The following SCFD1 variants were observed in gnomAD, a reference collection of about 807,000 sequenced individuals.
The protein encoded by SCFD1 is sec1 family domain-containing protein 1.
A neutral mutation model predicts 103.2 loss-of-function variants in SCFD1; 37 were observed. That is an observed-to-expected ratio of 0.36 (90% CI 0.28 to 0.47). The LOEUF is 0.47. Ranked by LOEUF, SCFD1 falls within the 20% of genes least tolerant of loss-of-function variation. SCFD1 has a pLI of 1.00. For synonymous variants in SCFD1, 264 were observed against 245.0 expected, an observed-to-expected ratio of 1.08 and a Z score of -0.73; for missense variants, 639 against 761.2, an observed-to-expected ratio of 0.84 and a Z score of 1.89.
chr14:30,634,129 A>G (rs962784580), intron 4 of SCFD1, 92 bp downstream of exon 4: 2 of 670,746 alleles, frequency 3.0e-6, no homozygotes, highest in Non-Finnish European at 5.2e-6. Context: ...GAAAAATCAG[A>G]AATTCCTATG....
In SCFD1 at chr14:30,656,354, G is replaced by A. The variant is rs953553325; in HGVS notation, c.855+2766G>A. ...AGTTAATGATGCAGGAGATAAGAGC[G>A]TCCTGCAGGTGGCATTAGTGAGCAC... On this transcript the variant is annotated intron_variant, in intron 10 of 24. Coordinates refer to ENST00000458591, the MANE Select transcript of SCFD1 (RefSeq NM_016106.4). 4.6e-5 allele frequency among the ~76,000 whole-genome samples: 7 copies of A among 152,258 alleles called. No homozygotes were observed. In the South Asian group the frequency reaches 6.2e-4, roughly 14 times the overall value.
At chr14:30,729,274 C>A (rs968480550) in intron 23 of SCFD1, among the ~76,000 whole-genome samples, 1 of 151,460 alleles carries the variant, frequency 6.6e-6, no homozygotes, top group African/African-American at 2.4e-5. Flanking sequence ...CTCTTTTTTT[C>A]TTTTGTTGCC....
At chr14:30,711,490 T>G (rs1891867664) in intron 19 of SCFD1, among the ~76,000 whole-genome samples, 1 of 152,080 alleles carries the variant, frequency 6.6e-6, no homozygotes, top group South Asian at 2.1e-4. Flanking sequence ...GGCACATGCT[T>G]GGGAGGCTGA....
At chr14:30,677,995 A>G (rs868266657) in intron 14 of SCFD1, among the ~76,000 whole-genome samples, 16 of 151,898 alleles carry the variant, frequency 1.1e-4, no homozygotes, top group Middle Eastern at 3.4e-3. Context: ...ACGGACCACC[A>G]TGCCCAGCTA....
chr14:30,627,748 A>G (rs947625754), intron 1 of SCFD1, among the ~76,000 whole-genome samples: 4 of 148,380 alleles, frequency 2.7e-5, no homozygotes, highest in African/African-American at 5.0e-5. Flanking sequence ...TGTCTCAGAA[A>G]AAAAAAAAAA....
intron 12 of SCFD1, 115 bp downstream of exon 12, chr14:30,673,462 C>A: frequency 6.0e-6 from 3 of 497,970 alleles, no homozygotes; most frequent in Non-Finnish European, 7.2e-6. Flanking sequence ...GCTTTTATAA[C>A]AAAAATATTT....
At chr14:30,668,653 G>C (rs547035479) in intron 10 of SCFD1, among the ~76,000 whole-genome samples, 1 of 152,242 alleles carries the variant, frequency 6.6e-6, no homozygotes, top group South Asian at 2.1e-4. Context: ...CTACCCATCT[G>C]ACAAAGGGCT....
chr14:30,697,813 A>G (rs2139324602), intron 15 of SCFD1, among the ~76,000 whole-genome samples: 1 of 152,366 alleles, frequency 6.6e-6, no homozygotes, highest in Admixed American at 6.5e-5. Context: ...CATGCAAGTC[A>G]AGGAAAAATG....
intron 15 of SCFD1, among the ~76,000 whole-genome samples, chr14:30,698,377 T>C (rs1890841544): frequency 6.6e-6 from 1 of 152,228 alleles, no homozygotes; most frequent in Non-Finnish European, 1.5e-5. Context: ...AGATTGGTCT[T>C]TAAAACCTTA....
intron 19 of SCFD1, among the ~76,000 whole-genome samples, chr14:30,714,297 T>C (rs1338244103): frequency 1.4e-5 from 2 of 147,200 alleles, no homozygotes; most frequent in East Asian, 2.0e-4. Flanking sequence ...GAGCTTGCAG[T>C]GAGCCGAGAT....
intron 10 of SCFD1, among the ~76,000 whole-genome samples, chr14:30,657,648 CA>C (rs35438528): frequency 0.013 from 1,938 of 152,200 alleles, 48 homozygotes; most frequent in African/African-American, 0.045. Flanking sequence ...TGGATATGAA[CA>C]AACTATAACT....
chr14:30,735,224 A>G (rs1893754433), intron 24 of SCFD1: 1 of 297,254 alleles, frequency 3.4e-6, no homozygotes, highest in Non-Finnish European at 6.2e-6. Flanking sequence ...CCATCAATTG[A>G]ACGTTACCTA....
intron 14 of SCFD1, 57 bp from the exon 15 acceptor site, chr14:30,694,716 A>G (rs1339480609): frequency 1.8e-5 from 28 of 1,518,466 alleles, no homozygotes; most frequent in East Asian, 1.2e-4. Context: ...AGGTGAGTAG[A>G]TCATTATGTA....
intron 5 of SCFD1, 93 bp downstream of exon 5, chr14:30,638,340 A>G: frequency 6.4e-7 from 1 of 1,553,114 alleles, no homozygotes; most frequent in Non-Finnish European, 8.8e-7. Flanking sequence ...TATTTGACAG[A>G]TGACCAGAAC....
At chr14:30,722,467 T>G in intron 22 of SCFD1, 27 bp from the exon 23 acceptor site, 1 of 1,549,688 alleles carries the variant, frequency 6.5e-7, no homozygotes, top group South Asian at 1.2e-5. Context: ...ACTGTGTTTT[T>G]TTTTTTTTAA....
chr14:30,696,649 T>G (rs1890722397), intron 15 of SCFD1, among the ~76,000 whole-genome samples: 1 of 152,166 alleles, frequency 6.6e-6, no homozygotes, highest in Admixed American at 6.5e-5. Context: ...AAGCAGAGTG[T>G]CCACATGTGG....
chr14:30,670,655 A>G (rs1239355606), intron 11 of SCFD1, among the ~76,000 whole-genome samples: 3 of 151,768 alleles, frequency 2.0e-5, no homozygotes, highest in Non-Finnish European at 2.9e-5. Flanking sequence ...AGTCTTTTTC[A>G]ATTTTGTTGC....
At chr14:30,720,210 T>G (rs894524363) in intron 21 of SCFD1, among the ~76,000 whole-genome samples, 1 of 152,118 alleles carries the variant, frequency 6.6e-6, no homozygotes, top group African/African-American at 2.4e-5. Context: ...ATCACCAAAA[T>G]TGCATAAGAA....
At chr14:30,623,004 A>G (rs1883012433) in intron 1 of SCFD1, among the ~76,000 whole-genome samples, 1 of 152,230 alleles carries the variant, frequency 6.6e-6, no homozygotes, top group Non-Finnish European at 1.5e-5. Context: ...TTTATCTTCA[A>G]TAGAGCATGT....
Sources: gnomAD v4.1 joint callset for allele counts (sites outside exome capture counted in the v4.1 genomes callset) on GRCh38, gnomAD v4.1.1 for gene constraint, MANE v1.5 for transcripts, NCBI Gene and HGNC (gene_info 2026-07-23, HGNC 2026-07-21) for gene names.